Variants in NEDD4 observed in about 807,000 individuals in gnomAD.
The protein encoded by NEDD4 is E3 ubiquitin-protein ligase NEDD4.
NEDD4 carries 99 observed loss-of-function variants against 144.9 expected under a neutral mutation model. The ratio of observed to expected loss-of-function variants is 0.68; its 90% CI spans 0.58 to 0.81. The LOEUF (loss-of-function observed/expected upper bound fraction) is 0.81, where lower values mean the gene tolerates loss of function less well. Among genes scored for constraint, NEDD4 ranks in the 30% least tolerant of loss-of-function variants. The pLI is 0.00. For synonymous variants in NEDD4, 318 were observed against 350.6 expected (o/e 0.91, Z 1.04); for missense variants, 985 against 1,065.9 (o/e 0.92, Z 1.06).
chr15:55,925,780 C>T (rs556164396), intron 4 of NEDD4, among the ~76,000 whole-genome samples: 1 of 152,260 alleles, frequency 6.6e-6, no homozygotes, highest in South Asian at 2.1e-4. Flanking sequence ...CCTACAGCCA[C>T]GTTCCCAGGC....
intron 17 of NEDD4, among the ~76,000 whole-genome samples, 193 bp downstream of exon 17, chr15:55,848,179 C>G (rs367581365): frequency 6.6e-6 from 1 of 152,156 alleles, no homozygotes; most frequent in Non-Finnish European, 1.5e-5. Flanking sequence ...ACTGCTATTG[C>G]GTAGGGTAAG....
At chr15:55,925,096 A>G (rs2036638465) in intron 4 of NEDD4, among the ~76,000 whole-genome samples, 1 of 152,150 alleles carries the variant, frequency 6.6e-6, no homozygotes, top group Admixed American at 6.6e-5. Context: ...CAAACAAACA[A>G]AAAGAAGTTG....
chr15:55,867,593 A>C (rs1371586132), intron 8 of NEDD4, among the ~76,000 whole-genome samples: 1 of 152,236 alleles, frequency 6.6e-6, no homozygotes, highest in Non-Finnish European at 1.5e-5. Flanking sequence ...ACTCTGGTAC[A>C]CCAAAAAGCC....
At chr15:55,974,124 G>C (rs1464740399) in intron 1 of NEDD4, among the ~76,000 whole-genome samples, 1 of 152,278 alleles carries the variant, frequency 6.6e-6, no homozygotes, top group South Asian at 2.1e-4. Flanking sequence ...AGGATCATTA[G>C]AGACTACTGC....
chr15:55,908,093 ATC>A (rs1347898804), intron 5 of NEDD4, among the ~76,000 whole-genome samples: 1 of 152,198 alleles, frequency 6.6e-6, no homozygotes, highest in Admixed American at 6.5e-5. Flanking sequence ...TAGTTTGGTT[ATC>A]TGTTTCTGCA....
At chr15:55,928,327 A>G (rs2036715486) in intron 4 of NEDD4, among the ~76,000 whole-genome samples, 1 of 152,036 alleles carries the variant, frequency 6.6e-6, no homozygotes, top group South Asian at 2.1e-4. Flanking sequence ...TATCTTTTTA[A>G]TCTATCTTTC....
At chr15:55,863,709 A>G (rs1263531484) in intron 8 of NEDD4, among the ~76,000 whole-genome samples, 6 of 152,216 alleles carry the variant, frequency 3.9e-5, no homozygotes. Flanking sequence ...GCTGTTCTCT[A>G]AATTATCAAC....
intron 7 of NEDD4, among the ~76,000 whole-genome samples, 181 bp from the exon 8 acceptor site, chr15:55,869,862 T>TATAAATAA (rs778928932): frequency 0.19 from 15,056 of 79,468 alleles, 832 homozygotes; most frequent in Non-Finnish European, 0.21. Flanking sequence ...GGCAAACATA[T>TATAAATAA]ATAAATAAAT....
intron 18 of NEDD4, among the ~76,000 whole-genome samples, chr15:55,846,146 G>T (rs1376274009): frequency 5.3e-5 from 8 of 151,780 alleles, no homozygotes; most frequent in African/African-American, 1.7e-4. Context: ...ATTTTATTAG[G>T]GCATAAAATG....
intron 5 of NEDD4, among the ~76,000 whole-genome samples, chr15:55,922,800 G>A (rs1442246798): frequency 1.3e-5 from 2 of 152,098 alleles, no homozygotes; most frequent in Admixed American, 6.6e-5. Context: ...GGGATCTAGG[G>A]AGGGTTTCAA....
At chr15:55,844,883 G>C (rs2033676516) in intron 18 of NEDD4, among the ~76,000 whole-genome samples, 1 of 150,340 alleles carries the variant, frequency 6.7e-6, no homozygotes, top group Admixed American at 6.6e-5. Flanking sequence ...TTATAGCCCA[G>C]TGCAGCTTTG....
chr15:55,973,866 A>T (rs1463988390), intron 1 of NEDD4, among the ~76,000 whole-genome samples: 1 of 151,872 alleles, frequency 6.6e-6, no homozygotes, highest in Admixed American at 6.5e-5. Context: ...TATGCATCTT[A>T]AAGAACTAGA....
At chr15:55,933,130 C>T (rs1245114851) in intron 4 of NEDD4, among the ~76,000 whole-genome samples, 1 of 152,088 alleles carries the variant, frequency 6.6e-6, no homozygotes, top group African/African-American at 2.4e-5. Flanking sequence ...GGCGATTCCT[C>T]AAGGATCTAG....
intron 5 of NEDD4, among the ~76,000 whole-genome samples, chr15:55,918,738 T>C (rs533418976): frequency 2.8e-4 from 42 of 152,326 alleles, no homozygotes; most frequent in Admixed American, 5.9e-4. Flanking sequence ...CGTACAATAG[T>C]TGAAAACTTA....
At position 55,956,632 on chromosome 15, in the gene NEDD4, G is replaced by A. The variant is rs544207351; in HGVS notation, c.120-5043C>T. Among the ~76,000 whole-genome samples the A allele has an allele frequency of 3.7e-4, 57 of 152,088 alleles. No homozygotes were observed. In the South Asian group the frequency reaches 4.4e-3, roughly 12 times the overall value. Reference sequence around the variant, plus strand: ...CTCTCGCTCTCTCACACACACATGCGCATGTATTTTTACACTCTCCATTCC... The same window carrying A: ...CTCTCGCTCTCTCACACACACATGCACATGTATTTTTACACTCTCCATTCC... On this transcript the variant is annotated intron_variant, in intron 2 of 28. Transcript: ENST00000435532.
intron 5 of NEDD4, among the ~76,000 whole-genome samples, chr15:55,883,712 C>A (rs867949707): frequency 6.7e-6 from 1 of 149,364 alleles, no homozygotes; most frequent in African/African-American, 2.6e-5. Flanking sequence ...CACACACACA[C>A]ACACACACAC....
chr15:55,924,363 G>C (rs1310612216), intron 5 of NEDD4: 2 of 314,552 alleles, frequency 6.4e-6, no homozygotes, highest in African/African-American at 4.2e-5. Context: ...AGGGAAGGCA[G>C]GACAAAGAGG....
intron 18 of NEDD4, among the ~76,000 whole-genome samples, chr15:55,846,219 GCCCA>G (rs374117100): frequency 2.6e-3 from 398 of 152,292 alleles, no homozygotes; most frequent in Admixed American, 4.8e-3. Context: ...CTCTGAGGTG[GCCCA>G]CCCACCATCT....
intron 4 of NEDD4, among the ~76,000 whole-genome samples, chr15:55,939,331 C>A (rs113134364): frequency 0.02 from 3,110 of 152,258 alleles, 93 homozygotes; most frequent in African/African-American, 0.071. Context: ...TCCCCCTTCA[C>A]TTTCTCTTCT....
Sources: allele counts gnomAD v4.1 joint callset (sites outside exome capture counted in the v4.1 genomes callset), GRCh38; gene constraint gnomAD v4.1.1; transcripts MANE v1.5; gene names NCBI Gene and HGNC (gene_info 2026-07-23, HGNC 2026-07-21).